The following ARHGAP1 variants were observed in gnomAD, a reference collection of about 807,000 sequenced individuals.
ARHGAP1 encodes Rho GTPase activating protein 1.
In ARHGAP1, 23 loss-of-function variants were observed where a neutral mutation model predicts 52.2. That is an observed-to-expected ratio of 0.44 (90% confidence interval 0.32 to 0.62). ARHGAP1 has a LOEUF of 0.62. Ranked by LOEUF, ARHGAP1 falls within the 20% of genes least tolerant of loss-of-function variation. The pLI is 0.05. For synonymous variants in ARHGAP1, 210 were observed against 228.4 expected, an observed-to-expected ratio of 0.92 and a Z score of 0.73; for missense variants, 480 against 560.9, an observed-to-expected ratio of 0.86 and a Z score of 1.46.
intron 1 of ARHGAP1, among the ~76,000 whole-genome samples, 200 bp downstream of exon 1, chr11:46,700,351 T>C (rs534990871): frequency 1.3e-4 from 19 of 151,964 alleles, no homozygotes; most frequent in African/African-American, 4.3e-4. Flanking sequence ...GTGAAAATGA[T>C]TAAGTCCTCT....
At chr11:46,687,395 T>G (rs1333158996) in intron 4 of ARHGAP1, 1 of 152,242 alleles carries the variant, frequency 6.6e-6, no homozygotes, top group Non-Finnish European at 1.5e-5. Flanking sequence ...AGCCCACACC[T>G]CCTCCTGCTC....
At position 46,679,452 on chromosome 11, in the gene ARHGAP1, C is replaced by T; in HGVS notation, c.1044G>A (p.Gln348=). Residue 348 remains glutamine (Q), a synonymous_variant, in exon 12 of 13, where the codon CAG becomes CAA. Coordinates refer to ENST00000311956, the MANE Select transcript of ARHGAP1 (RefSeq NM_004308.5). This position sits in a 1 kb window ranked among gnomAD's most constrained non-coding sequence, Gnocchi z 4.4. ...VVGFLNIDES[Q]RVPATLQVLQ... The stretch of plus-strand genomic sequence containing the variant: ...GGACCTGCAGTGTCGCTGGCACCCT[C>T]TGGCTTTCATCAATGTCTATGAGGA... 1 of 1,614,180 alleles carries T rather than the reference C, an allele frequency of 6.2e-7. No homozygotes were observed. The highest frequency in any genetic ancestry group is 8.5e-7 in the Non-Finnish European group (1 of 1,180,022).
intron 3 of ARHGAP1, chr11:46,695,266 C>T: frequency 5.6e-6 from 2 of 354,230 alleles, no homozygotes; most frequent in Non-Finnish European, 1.1e-5. Flanking sequence ...CCTAGGGCTA[C>T]AATTTCCCAG....
chr11:46,679,156 G>T lies in ARHGAP1; in HGVS notation c.1201C>A (p.Leu401Met). 2 of 1,613,776 alleles carry T rather than the reference G, an allele frequency of 1.2e-6. No individual in the cohort carries two copies. The highest frequency in any genetic ancestry group is 1.7e-6 in the Non-Finnish European group (2 of 1,179,802). Residue 401 changes from leucine (L) to methionine (M), a missense_variant, in exon 13 of 13, where the codon CTG becomes ATG. Physicochemically the swap from Leu to Met is conservative, Grantham distance 15. Transcript: ENST00000311956. The surrounding 1 kb of genome is among the most constrained non-coding windows in gnomAD (Gnocchi z 4.4). ...NLAVVFGPNLLWAKDAAITLK... is the reference protein window; with the variant it reads ...NLAVVFGPNLMWAKDAAITLK... The stretch of plus-strand genomic sequence containing the variant: ...GTGATGGCCGCATCCTTGGCCCACA[G>T]CAGGTTAGGGCCGAAAACAACAGCC...
rs1439069135 is a variant in ARHGAP1, at chr11:46,680,611, G to A, written c.743+29C>T. ...CCGGGCCTGCAGCCCTTCCCGCCCC[G>A]CCGTGGCCCAGCCACCTTTCATACT... On this transcript the variant is annotated intron_variant, in intron 8 of 12. Coordinates refer to ENST00000311956, the MANE Select transcript of ARHGAP1 (RefSeq NM_004308.5). This position sits in a 1 kb window ranked among gnomAD's most constrained non-coding sequence, Gnocchi z 5.9. The A allele has an allele frequency of 9.3e-6, 15 of 1,613,122 alleles. No individual in the cohort carries two copies. The highest frequency in any genetic ancestry group is 2.7e-5 in the African/African-American group (2 of 74,908).
intron 1 of ARHGAP1, among the ~76,000 whole-genome samples, chr11:46,698,448 A>C (rs1010380564): frequency 7.0e-6 from 1 of 143,374 alleles, no homozygotes; most frequent in East Asian, 2.0e-4. Flanking sequence ...CTAAAAGTAC[A>C]AAAAAAAAAA....
At chr11:46,691,240 G>C (rs922229173) in intron 3 of ARHGAP1, among the ~76,000 whole-genome samples, 2 of 152,078 alleles carry the variant, frequency 1.3e-5, no homozygotes, top group African/African-American at 2.4e-5. Flanking sequence ...CAAAATCGCA[G>C]GTCACCATTA....
chr11:46,695,870 G>A, intron 2 of ARHGAP1, 105 bp downstream of exon 2: 1 of 1,599,652 alleles, frequency 6.3e-7, no homozygotes, highest in Non-Finnish European at 8.5e-7. Flanking sequence ...GCCCAAACCT[G>A]GGACTGGTCT....
rs189963672 is a variant in ARHGAP1 at position 46,695,734 on chromosome 11, G to A, written c.155C>T (p.Pro52Leu). 20 of 1,552,152 alleles carry A rather than the reference G, an allele frequency of 1.3e-5. No individual in the cohort carries two copies. The highest frequency in any genetic ancestry group is 2.4e-5 in the East Asian group (1 of 40,940). Residue 52 changes from proline to leucine, a missense_variant, in exon 3 of 13, where the codon CCG becomes CTG. Coordinates refer to ENST00000311956, the MANE Select transcript of ARHGAP1 (RefSeq NM_004308.5). ...PKSDDSKSSS[P>L]ELVTHLKWDD... ...CCACTTCAGGTGTGTGACAAGTTCC[G>A]GGGAGCTGCTTTTGGAGTCATCTGA...
In ARHGAP1 at chr11:46,680,875, C is replaced by T. The variant is rs1189001620; in HGVS notation, c.636-128G>A. 2.7e-6 allele frequency: 3 copies of T among 1,094,706 alleles called. No homozygotes were observed. Among genetic ancestry groups the T allele is most frequent in the Non-Finnish European group, 4.0e-6 (3 of 757,624 alleles). The allele number at this position is 1,094,706 out of a possible 1,614,324, so 67.8% of individuals were successfully genotyped here. On this transcript the variant is annotated intron_variant, in intron 7 of 12. Coordinates refer to ENST00000311956, the MANE Select transcript of ARHGAP1 (RefSeq NM_004308.5). This position sits in a 1 kb window ranked among gnomAD's most constrained non-coding sequence, Gnocchi z 5.9. ...GCGATCTCTGTAACAACTCCGCTTTCCACAGCAGAAAGCAAAGACCTGGGA... is the reference window on the plus strand; with the variant it reads ...GCGATCTCTGTAACAACTCCGCTTTTCACAGCAGAAAGCAAAGACCTGGGA...
chr11:46,692,400 A>G (rs1050178702), intron 3 of ARHGAP1, among the ~76,000 whole-genome samples: 1 of 152,248 alleles, frequency 6.6e-6, no homozygotes, highest in South Asian at 2.1e-4. Flanking sequence ...CTTCCAGCCC[A>G]TGAGTCCCCG....
intron 3 of ARHGAP1, 110 bp downstream of exon 3, chr11:46,695,550 C>G (rs1592392809): frequency 8.4e-7 from 1 of 1,193,368 alleles, no homozygotes; most frequent in South Asian, 1.3e-5. Flanking sequence ...GCCAGGAGCA[C>G]CAGGGCCAGC....
chr11:46,697,021 TC>T (rs1169350035), intron 1 of ARHGAP1: 1 of 152,218 alleles, frequency 6.6e-6, no homozygotes, highest in Non-Finnish European at 1.5e-5. Flanking sequence ...CCACTCTTAC[TC>T]TGCAGGGTGC....
chr11:46,679,946 G>C lies in ARHGAP1; in HGVS notation c.899-170C>G. The C allele has an allele frequency of 8.3e-7, 1 of 1,202,708 alleles. No individual in the cohort carries two copies. The highest frequency in any genetic ancestry group is 1.1e-6 in the Non-Finnish European group (1 of 879,122). The allele number at this position is 1,202,708 out of a possible 1,614,324, so 74.5% of individuals were successfully genotyped here. A position where few individuals can be genotyped will look rare whatever the true frequency, so the allele number is the denominator to read the frequency against. ...TCTTCCTCTGTGATCAGAGAATGCAGGTTCCGGCCATCTGGGGAAGTGGGG... is the reference window on the plus strand; with the variant it reads ...TCTTCCTCTGTGATCAGAGAATGCACGTTCCGGCCATCTGGGGAAGTGGGG... On this transcript the variant is annotated intron_variant, in intron 10 of 12. Coordinates refer to ENST00000311956, the MANE Select transcript of ARHGAP1 (RefSeq NM_004308.5). The surrounding 1 kb of genome is among the most constrained non-coding windows in gnomAD (Gnocchi z 4.4).
Position 46,678,420 on chromosome 11 carries a change from T to G in ARHGAP1, c.*617A>C. 1 of 164,012 alleles carries G rather than the reference T, an allele frequency of 6.1e-6. No homozygotes were observed. The highest frequency in any genetic ancestry group is 1.3e-5 in the Non-Finnish European group (1 of 74,662). The allele number at this position is 164,012 out of a possible 1,614,324, so 10.2% of individuals were successfully genotyped here. Reference sequence around the variant, plus strand: ...TCACTTGGGAAAGGCTGACCCAGGATGTGTGGAAGAGGAGGCAGAAAGCAG... The same window carrying G: ...TCACTTGGGAAAGGCTGACCCAGGAGGTGTGGAAGAGGAGGCAGAAAGCAG... On this transcript the variant is annotated 3_prime_UTR_variant, in exon 13 of 13. Transcript: ENST00000311956.
chr11:46,681,409 C>T lies in ARHGAP1; in HGVS notation c.450-30G>A. The T allele has an allele frequency of 1.3e-6, 2 of 1,548,424 alleles. No homozygotes were observed. Among genetic ancestry groups the T allele is most frequent in the Non-Finnish European group, 1.8e-6 (2 of 1,120,528 alleles). ...AGAGACAGAATGGACAACTCAGGAG[C>T]AGGCGTGGTGGGACAGGTGCCACGC... is the stretch of plus-strand genomic sequence containing the variant. On this transcript the variant is annotated intron_variant, in intron 5 of 12. Transcript: ENST00000311956. The surrounding 1 kb of genome is among the most constrained non-coding windows in gnomAD (Gnocchi z 5.7).
Position 46,680,826 on chromosome 11 carries a change from G to C in ARHGAP1, c.636-79C>G. On this transcript the variant is annotated intron_variant, in intron 7 of 12. Coordinates refer to ENST00000311956, the MANE Select transcript of ARHGAP1 (RefSeq NM_004308.5). This position sits in a 1 kb window ranked among gnomAD's most constrained non-coding sequence, Gnocchi z 5.9. ...GCCAATTCAATCAAGCATTGACCACGCGGGGTCAGGAGGATCATCTCATGC... is the reference window on the plus strand; with the variant it reads ...GCCAATTCAATCAAGCATTGACCACCCGGGGTCAGGAGGATCATCTCATGC... The C allele has an allele frequency of 8.4e-7, 1 of 1,183,856 alleles. No individual in the cohort carries two copies. The highest frequency in any genetic ancestry group is 1.2e-6 in the Non-Finnish European group (1 of 843,558). The allele number at this position is 1,183,856 out of a possible 1,614,324, so 73.3% of individuals were successfully genotyped here.
At position 46,680,447 on chromosome 11, in the gene ARHGAP1, C is replaced by G. The variant is rs376845196; in HGVS notation, c.820+40G>C. ...GCTTCCCCAGCTTCCTGAAGGGAGC[C>G]GGGAGACCTGGCTGGTGAGGAGGCA... On this transcript the variant is annotated intron_variant, in intron 9 of 12. Transcript: ENST00000311956. The surrounding 1 kb of genome is among the most constrained non-coding windows in gnomAD (Gnocchi z 5.9). 3.1e-6 allele frequency: 5 copies of G among 1,608,832 alleles called. No homozygotes were observed. Among genetic ancestry groups the G allele is most frequent in the Non-Finnish European group, 4.3e-6 (5 of 1,175,648 alleles).
chr11:46,689,293 T>C (rs756140716), intron 3 of ARHGAP1, among the ~76,000 whole-genome samples: 2 of 151,994 alleles, frequency 1.3e-5, no homozygotes, highest in Non-Finnish European at 2.9e-5. Flanking sequence ...TCCAGTTACA[T>C]GAGATGTCTA....
Sources: allele counts gnomAD v4.1 joint callset (sites outside exome capture counted in the v4.1 genomes callset), GRCh38; gene constraint gnomAD v4.1.1; non-coding constraint Gnocchi (gnomAD v3.1); transcripts MANE v1.5; gene names NCBI Gene and HGNC (gene_info 2026-07-23, HGNC 2026-07-21).